The following SMC4 variants were observed in gnomAD, a reference collection of about 807,000 sequenced individuals.
SMC4 encodes the protein structural maintenance of chromosomes 4, also known as structural maintenance of chromosomes protein 4.
SMC4 carries 87 observed loss-of-function variants against 145.6 expected under a neutral mutation model. The observed-to-expected ratio is 0.60, with a 90% CI of 0.50 to 0.71. The LOEUF is 0.71. Ranked by LOEUF, SMC4 falls within the 30% of genes least tolerant of loss-of-function variation. The pLI, the probability that SMC4 is intolerant of heterozygous loss-of-function variation, is 0.00. For missense variants in SMC4, 1,447 were observed against 1,537.1 expected (o/e 0.94, Z 0.98); for synonymous variants, 558 against 500.7 (o/e 1.11, Z -1.53).
chr3:160,433,602 TTG>T, intron 23 of SMC4, 53 bp from the exon 24 acceptor site: 1 of 1,073,332 alleles, frequency 9.3e-7, no homozygotes, highest in South Asian at 1.7e-5. Flanking sequence ...GGTTACATGT[TTG>T]TGTGATTTAC....
chr3:160,410,239 G>A (rs933509192), intron 5 of SMC4, among the ~76,000 whole-genome samples: 2 of 152,176 alleles, frequency 1.3e-5, no homozygotes, highest in African/African-American at 2.4e-5. Context: ...TGTCTAGTGG[G>A]TGAAGGTCAG....
intron 2 of SMC4, 124 bp from the exon 3 acceptor site, chr3:160,401,791 T>G: frequency 1.4e-6 from 1 of 711,062 alleles, no homozygotes; most frequent in East Asian, 3.0e-5. Flanking sequence ...CTAAGTTTCA[T>G]AAATAACATC....
intron 9 of SMC4, among the ~76,000 whole-genome samples, chr3:160,415,283 G>A (rs1371107683): frequency 6.6e-6 from 1 of 152,220 alleles, no homozygotes; most frequent in African/African-American, 2.4e-5. Flanking sequence ...GAGGCGGCAG[G>A]ATGCCTTGAG....
rs1714723752 is a variant in SMC4 at position 160,401,934 on chromosome 3, T to C, written c.159T>C (p.Leu53=). 2 of 1,602,822 alleles carry C rather than the reference T, an allele frequency of 1.2e-6. No individual in the cohort carries two copies. Among genetic ancestry groups the C allele is most frequent in the Admixed American group, 1.7e-5 (1 of 57,926 alleles). ...ACTTAGAGACTGCAAGTGAGGAACT[T>C]GATAATAGAAGTTTAGAAGAGATTT... ...ATAAETASEE[L]DNRSLEEILN... The change falls in exon 3 of 24, where the codon CTT becomes CTC. Residue 53 remains leucine (L), a synonymous_variant. Coordinates refer to ENST00000357388, the MANE Select transcript of SMC4 (RefSeq NM_001002800.3).
At chr3:160,411,723 T>G in intron 5 of SMC4, 197 bp from the exon 6 acceptor site, 2 of 440,752 alleles carry the variant, frequency 4.5e-6, no homozygotes, top group Non-Finnish European at 8.0e-6. Context: ...TATCTCCCTG[T>G]GTAAAATTAA....
Position 160,402,820 on chromosome 3 carries a change from A to G in SMC4, c.463A>G (p.Ile155Val). The G allele has an allele frequency of 1.2e-6, 2 of 1,604,686 alleles. No individual in the cohort carries two copies. The highest frequency in any genetic ancestry group is 1.1e-5 in the South Asian group (1 of 88,924). Reference sequence around the variant, plus strand: ...ACATAATTCTGATGAACACAAGGACATTCAGAGTTGTACAGTAGAAGTTCA... The same window carrying G: ...ACATAATTCTGATGAACACAAGGACGTTCAGAGTTGTACAGTAGAAGTTCA... ...LIHNSDEHKD[I>V]QSCTVEVHFQ... The change falls in exon 4 of 24, where the codon ATT becomes GTT. Residue 155 changes from isoleucine (I) to valine (V), a missense_variant. Transcript: ENST00000357388.
At chr3:160,422,030 C>T (rs1717238852) in intron 13 of SMC4, among the ~76,000 whole-genome samples, 2 of 152,198 alleles carry the variant, frequency 1.3e-5, no homozygotes, top group Admixed American at 1.3e-4. Flanking sequence ...TATGTTGTAG[C>T]ATGTATCAGT....
chr3:160,426,237 A>T (rs1407214715), intron 17 of SMC4, 37 bp downstream of exon 17: 1 of 1,518,044 alleles, frequency 6.6e-7, no homozygotes, highest in Admixed American at 2.2e-5. Context: ...GGGGGAAAAA[A>T]AAAACAGGTT....
At chr3:160,400,043 TC>T (rs956082975) in intron 1 of SMC4, 1 of 152,338 alleles carries the variant, frequency 6.6e-6, no homozygotes, top group Admixed American at 6.5e-5. Flanking sequence ...AAAGGGCGTC[TC>T]CCCCTACCCC....
At position 160,417,911 on chromosome 3, in the gene SMC4, A is replaced by G. The variant is rs753786557; in HGVS notation, c.1626A>G (p.Arg542=). 7 of 1,612,792 alleles carry G rather than the reference A, an allele frequency of 4.3e-6. 1 individual carries two copies. The South Asian group carries it at 7.7e-5, about 18-fold the overall frequency. ...ETLKERKAAI[R]DIEGKLPQTE... Reference sequence around the variant, plus strand: ...TCAAAGAAAGGAAAGCTGCAATCAGAGATATAGAAGGAAAACTCCCTCAAA... The same window carrying G: ...TCAAAGAAAGGAAAGCTGCAATCAGGGATATAGAAGGAAAACTCCCTCAAA... Residue 542 remains arginine, a synonymous_variant, in exon 11 of 24, where the codon AGA becomes AGG. Coordinates refer to ENST00000357388, the MANE Select transcript of SMC4 (RefSeq NM_001002800.3).
intron 1 of SMC4, chr3:160,400,183 G>A (rs1226314537): frequency 8.5e-5 from 13 of 152,394 alleles, no homozygotes; most frequent in Admixed American, 8.5e-4. Context: ...AAATTAGCAA[G>A]CGCTGCCAGC....
In SMC4 at chr3:160,420,868, T is replaced by C; in HGVS notation, c.1986T>C (p.Asn662=). The part of the protein sequence containing the change: ...QECVNFLKRQ[N]IGVATFIGLD... ...GTGTAAACTTCCTTAAAAGACAAAA[T>C]ATTGGAGTTGCAACCTTTATAGGTT... The change falls in exon 13 of 24, where the codon AAT becomes AAC. Residue 662 remains asparagine (N), a synonymous_variant. Transcript: ENST00000357388. 1 of 1,613,190 alleles carries C rather than the reference T, an allele frequency of 6.2e-7. No homozygotes were observed. Among genetic ancestry groups the C allele is most frequent in the Non-Finnish European group, 8.5e-7 (1 of 1,179,676 alleles).
chr3:160,409,118 T>C (rs2108459311), intron 5 of SMC4, among the ~76,000 whole-genome samples: 1 of 150,824 alleles, frequency 6.6e-6, no homozygotes, highest in East Asian at 1.9e-4. Flanking sequence ...ATACAAAAAT[T>C]AGCCGGGCAT....
intron 17 of SMC4, among the ~76,000 whole-genome samples, chr3:160,428,068 T>C (rs1717993303): frequency 6.6e-6 from 1 of 152,238 alleles, no homozygotes; most frequent in Non-Finnish European, 1.5e-5. Flanking sequence ...TGAGCTGCGA[T>C]GGCGCCACTG....
In SMC4 at chr3:160,424,886, A is replaced by G; in HGVS notation, c.2345A>G (p.Gln782Arg). 1 of 1,612,854 alleles carries G rather than the reference A, an allele frequency of 6.2e-7. No individual in the cohort carries two copies. The highest frequency in any genetic ancestry group is 8.5e-7 in the Non-Finnish European group (1 of 1,179,276). ...SEEEVNKMES[Q>R]LQNDSKKAMQ... ...TTGTAGGTAAACAAAATGGAATCACAGTTGCAAAACGACTCTAAAAAAGCA... is the reference window on the plus strand; with the variant it reads ...TTGTAGGTAAACAAAATGGAATCACGGTTGCAAAACGACTCTAAAAAAGCA... Residue 782 changes from glutamine to arginine, a missense_variant, in exon 16 of 24, where the codon CAG becomes CGG. Coordinates refer to ENST00000357388, the MANE Select transcript of SMC4 (RefSeq NM_001002800.3).
At chr3:160,409,877 G>T (rs1333640782) in intron 5 of SMC4, among the ~76,000 whole-genome samples, 2 of 152,024 alleles carry the variant, frequency 1.3e-5, no homozygotes. Flanking sequence ...GACCAGCCTG[G>T]GCAACATAGA....
Position 160,431,670 on chromosome 3 carries a change from GA to G in SMC4, c.3144del (p.Asp1049IlefsTer10), listed in dbSNP as rs1718421593. 1.2e-6 allele frequency: 2 copies of G among 1,602,776 alleles called. No individual in the cohort carries two copies. Among genetic ancestry groups the G allele is most frequent in the Admixed American group, 1.8e-5 (1 of 56,010 alleles). ...TTCAAAAATATCACTGCATCCTATA[GA>G]AGATAATCCTATTGAAGAGATTTCG... The part of the protein sequence containing the change: ...EISKISLHPI[E>X]DNPIEEISVL... On this transcript the variant is annotated frameshift_variant, in exon 21 of 24. Transcript: ENST00000357388. LOFTEE classifies it high-confidence loss of function.
At chr3:160,426,297 G>A (rs562798123) in intron 17 of SMC4, 97 bp downstream of exon 17, 7 of 858,734 alleles carry the variant, frequency 8.2e-6, no homozygotes, top group Non-Finnish European at 1.3e-5. Context: ...TAGAAGCTAA[G>A]TATATGCAAG....
At position 160,414,397 on chromosome 3, in the gene SMC4, G is replaced by A; in HGVS notation, c.1152G>A (p.Glu384=). ...KKLNKITKFI[E]ENKEKFTQLD... is the part of the protein sequence containing the mutation. ...TGAATAAAATTACAAAATTTATTGAGGAGAATAAAGAAAAATTTACACAGC... is the reference window on the plus strand; with the variant it reads ...TGAATAAAATTACAAAATTTATTGAAGAGAATAAAGAAAAATTTACACAGC... Residue 384 remains glutamate, a synonymous_variant, in exon 9 of 24, where the codon GAG becomes GAA. Coordinates refer to ENST00000357388, the MANE Select transcript of SMC4 (RefSeq NM_001002800.3). 1.2e-6 allele frequency: 2 copies of A among 1,604,830 alleles called. No individual in the cohort carries two copies. The highest frequency in any genetic ancestry group is 8.5e-7 in the Non-Finnish European group (1 of 1,173,726).
Sources: gnomAD v4.1 joint callset for allele counts (sites outside exome capture counted in the v4.1 genomes callset) on GRCh38, gnomAD v4.1.1 for gene constraint, MANE v1.5 for transcripts, NCBI Gene and HGNC (gene_info 2026-07-23, HGNC 2026-07-21) for gene names.